The following ELF4 variants were observed in gnomAD, a reference collection of about 807,000 sequenced individuals.
ELF4 encodes ETS-related transcription factor Elf-4.
Under a neutral mutation model 31.7 loss-of-function variants are expected in ELF4, and 10 were observed. The observed-to-expected ratio is 0.32, with a 90% CI of 0.19 to 0.54. The LOEUF (loss-of-function observed/expected upper bound fraction) is 0.54. Ranked by LOEUF, ELF4 falls within the 20% of genes least tolerant of loss-of-function variation. The pLI is 0.95. For synonymous variants in ELF4, 208 were observed against 226.7 expected (o/e 0.92, Z 0.74); for missense variants, 418 against 522.0 (o/e 0.80, Z 1.94).
intron 1 of ELF4, among the ~76,000 whole-genome samples, chrX:130,098,096 C>T (rs958256507): frequency 8.9e-6 from 1 of 112,217 alleles, no homozygotes; most frequent in Non-Finnish European, 1.9e-5. Flanking sequence ...GCTCCCGCAG[C>T]CTGGAGCCCC....
At chrX:130,073,743 C>T (rs1289695708) in intron 4 of ELF4, among the ~76,000 whole-genome samples, 2 of 110,663 alleles carry the variant, frequency 1.8e-5, no homozygotes, top group East Asian at 5.8e-4. Flanking sequence ...AACTCCTGAC[C>T]TCAGGTGACC....
Position 130,066,361 on chromosome X carries a change from T to G in ELF4, c.*360A>C. 1 of 285,288 alleles carries G rather than the reference T, an allele frequency of 3.5e-6. No homozygotes were observed. The highest frequency in any genetic ancestry group is 6.2e-6 in the Non-Finnish European group (1 of 161,163). 23.5% of individuals were successfully genotyped at this position (285,288 alleles called of 1,213,427 possible). ...CACATATAGGGTAGTAAATTCCCTG[T>G]GTAGGGAATGCAGCCAGTGAGATAG... On this transcript the variant is annotated 3_prime_UTR_variant, in exon 9 of 9. Coordinates refer to ENST00000308167, the MANE Select transcript of ELF4 (RefSeq NM_001421.4).
intron 1 of ELF4, among the ~76,000 whole-genome samples, chrX:130,103,981 C>A (rs1933329116): frequency 8.9e-6 from 1 of 112,117 alleles, no homozygotes; most frequent in African/African-American, 3.2e-5. Flanking sequence ...GGCCTCTGGG[C>A]ATTGGCCCAG....
At chrX:130,104,252 C>T (rs866586242) in intron 1 of ELF4, among the ~76,000 whole-genome samples, 8 of 105,073 alleles carry the variant, frequency 7.6e-5, no homozygotes, top group South Asian at 8.6e-4. Flanking sequence ...CTCTTCACTA[C>T]AGCACTGCCT....
intron 1 of ELF4, among the ~76,000 whole-genome samples, chrX:130,107,012 AC>A (rs901186683): frequency 8.9e-6 from 1 of 112,585 alleles, no homozygotes; most frequent in Non-Finnish European, 1.9e-5. Context: ...GCAATGGCTC[AC>A]GCCTGTAATC....
intron 1 of ELF4, among the ~76,000 whole-genome samples, chrX:130,096,194 T>C (rs1163326894): frequency 3.6e-5 from 4 of 111,211 alleles, no homozygotes; most frequent in African/African-American, 1.3e-4. Context: ...TGTTTTGTTT[T>C]GTTTTTGAGA....
At chrX:130,088,724 C>T (rs1933003626) in intron 1 of ELF4, among the ~76,000 whole-genome samples, 1 of 112,035 alleles carries the variant, frequency 8.9e-6, no homozygotes, top group Non-Finnish European at 1.9e-5. Context: ...AAAAAACAAA[C>T]ACTGACTAGA....
rs2181440 is a variant in ELF4, at chrX:130,067,204, C to T, written c.1509G>A (p.Thr503=). The change falls in exon 9 of 9, where the codon ACG becomes ACA. Residue 503 remains threonine (T), a synonymous_variant. Transcript: ENST00000308167. The part of the protein sequence containing the change: ...ANRPTNPAPP[T]VTGAGPAGPS... ...GCCCTGCTGGTCCAGCCCCTGTGAC[C>T]GTGGGTGGCGCCGGGTTGGTCGGAC... 305,975 of 1,207,984 alleles carry T rather than the reference C, an allele frequency of 0.25. 27,550 individuals carry two copies. Among genetic ancestry groups the T allele is most frequent in the Admixed American group, 0.36 (16,576 of 45,724 alleles).
chrX:130,105,652 T>C (rs1011523001), intron 1 of ELF4, among the ~76,000 whole-genome samples: 1 of 111,674 alleles, frequency 9.0e-6, no homozygotes, highest in Non-Finnish European at 1.9e-5. Flanking sequence ...ATTCTTCATT[T>C]CCCAGATGGT....
rs763744123 is a variant in ELF4, at chrX:130,074,149, G to A, written c.248-8C>T. 8.3e-6 allele frequency: 10 copies of A among 1,210,735 alleles called. No homozygotes were observed. In the Admixed American group the frequency reaches 1.1e-4, roughly 13 times the overall value. On this transcript the variant is annotated splice_polypyrimidine_tract_variant and splice_region_variant and intron_variant, in intron 3 of 8. Coordinates refer to ENST00000308167, the MANE Select transcript of ELF4 (RefSeq NM_001421.4). Reference sequence around the variant, plus strand: ...AGGTGGCCTCATTGTCATCTGGTCCGGGTTCCATGGTGGGAGGAGAGAAGA... The same window carrying A: ...AGGTGGCCTCATTGTCATCTGGTCCAGGTTCCATGGTGGGAGGAGAGAAGA...
At chrX:130,096,983 C>T (rs1331127675) in intron 1 of ELF4, among the ~76,000 whole-genome samples, 1 of 110,713 alleles carries the variant, frequency 9.0e-6, no homozygotes, top group Non-Finnish European at 1.9e-5. Flanking sequence ...AGTTCTGAAC[C>T]TCTGAGGTTC....
Position 130,066,452 on chromosome X carries a change from C to T in ELF4, c.*269G>A. 2.6e-6 allele frequency: 1 copy of T among 381,069 alleles called. No homozygotes were observed. Among genetic ancestry groups the T allele is most frequent in the Non-Finnish European group, 4.5e-6 (1 of 220,069 alleles). 31.4% of individuals were successfully genotyped at this position (381,069 alleles called of 1,213,427 possible). On this transcript the variant is annotated 3_prime_UTR_variant, in exon 9 of 9. Coordinates refer to ENST00000308167, the MANE Select transcript of ELF4 (RefSeq NM_001421.4). ...ACCCTGGCCACAAACTTCTGCCTGG[C>T]TCAAGGCTTTTTCCCTCCATCACCA...
intron 2 of ELF4, among the ~76,000 whole-genome samples, chrX:130,076,637 G>C (rs760564119): frequency 6.3e-5 from 7 of 111,372 alleles, no homozygotes; most frequent in Non-Finnish European, 1.3e-4. Flanking sequence ...CACCATGTAG[G>C]CCAGGCTGGT....
chrX:130,102,561 C>A (rs1293180043), intron 1 of ELF4, among the ~76,000 whole-genome samples: 2 of 110,323 alleles, frequency 1.8e-5, no homozygotes, highest in Admixed American at 2.0e-4. Context: ...CGCCTGTAAT[C>A]CTAGTACTTA....
chrX:130,085,018 C>G (rs1295393322), intron 1 of ELF4, among the ~76,000 whole-genome samples: 5 of 112,393 alleles, frequency 4.4e-5, no homozygotes, highest in African/African-American at 1.6e-4. Context: ...AGCAAGTAGA[C>G]AAATCAGGGA....
chrX:130,067,490 A>C lies in ELF4; in HGVS notation c.1223T>G (p.Val408Gly). The C allele has an allele frequency of 2.5e-6, 3 of 1,211,693 alleles. No individual in the cohort carries two copies. Among genetic ancestry groups the C allele is most frequent in the Non-Finnish European group, 3.4e-6 (3 of 895,458 alleles). ...GGCCGAGCCCGACCCCACGGGGGCC[A>C]CTCCTAGGTGGATGTTGCTGGGCAC... ...SSVPSNIHLG[V>G]APVGSGSALT... Residue 408 changes from valine (V) to glycine (G), a missense_variant, in exon 9 of 9, where the codon GTG becomes GGG. Physicochemically the swap from Val to Gly is moderately radical, Grantham distance 109. Coordinates refer to ENST00000308167, the MANE Select transcript of ELF4 (RefSeq NM_001421.4).
At chrX:130,102,960 GAGGAAGGA>G (rs1167619118) in intron 1 of ELF4, among the ~76,000 whole-genome samples, 8 of 51,268 alleles carry the variant, frequency 1.6e-4, no homozygotes, top group South Asian at 1.1e-3. Flanking sequence ...GGAAGGGAGG[GAGGAAGGA>G]AGGAAGGAAG....
At chrX:130,097,225 G>C (rs767375852) in intron 1 of ELF4, among the ~76,000 whole-genome samples, 27 of 108,614 alleles carry the variant, frequency 2.5e-4, no homozygotes, top group Admixed American at 8.9e-4. Context: ...ATCACCTGAG[G>C]TCAGGAGTTC....
At chrX:130,076,690 C>A (rs139928362) in intron 2 of ELF4, among the ~76,000 whole-genome samples, 1 of 112,252 alleles carries the variant, frequency 8.9e-6, no homozygotes, top group Non-Finnish European at 1.9e-5. Context: ...CTTGGCCTCC[C>A]AAAGTGCTGA....
Sources: allele counts gnomAD v4.1 joint callset (sites outside exome capture counted in the v4.1 genomes callset), GRCh38; gene constraint gnomAD v4.1.1; transcripts MANE v1.5; gene names NCBI Gene and HGNC (gene_info 2026-07-23, HGNC 2026-07-21).